NAALADL2: variants seen among roughly 807,000 people sequenced by gnomAD.
NAALADL2 encodes N-acetylated alpha-linked acidic dipeptidase like 2, also known as inactive N-acetylated-alpha-linked acidic dipeptidase-like protein 2.
In NAALADL2, 76 loss-of-function variants were observed where a neutral mutation model predicts 87.2. The observed-to-expected ratio is 0.87, with a 90% CI of 0.72 to 1.05. The LOEUF is 1.05. NAALADL2 is among the 50% of genes least tolerant of loss of function. The pLI, the probability that NAALADL2 is intolerant of heterozygous loss-of-function variation, is 0.00. For missense variants in NAALADL2, 1,089 were observed against 945.8 expected (o/e 1.15, Z -1.99); for synonymous variants, 354 against 331.0 (o/e 1.07, Z -0.75).
chr3:174,856,769 C>A (rs1421448069), upstream of NAALADL2, among the ~76,000 whole-genome samples: 6 of 151,848 alleles, frequency 4.0e-5, no homozygotes, highest in Admixed American at 3.9e-4. Flanking sequence ...TAAGAACATA[C>A]CTTCTATTTG....
intron 3 of NAALADL2, among the ~76,000 whole-genome samples, chr3:174,836,708 C>CAAAAAA (rs36091749): frequency 2.0e-4 from 13 of 65,370 alleles, no homozygotes; most frequent in African/African-American, 2.9e-4. Flanking sequence ...GACTCCGTCT[C>CAAAAAA]AAAAAAAAAA....
intron 6 of NAALADL2, among the ~76,000 whole-genome samples, chr3:175,451,343 A>T (rs75198006): frequency 0.026 from 4,017 of 152,246 alleles, 77 homozygotes; most frequent in East Asian, 0.085. Flanking sequence ...AAAAAAGTAT[A>T]AGGAATGGAA....
intron 3 of NAALADL2, among the ~76,000 whole-genome samples, chr3:174,804,744 A>G (rs1416350195): frequency 6.6e-6 from 1 of 152,194 alleles, no homozygotes; most frequent in Admixed American, 6.6e-5. Context: ...AATAAATCTA[A>G]AATCTATACA....
chr3:175,665,843 A>T (rs1732891104), intron 11 of NAALADL2, among the ~76,000 whole-genome samples: 1 of 152,082 alleles, frequency 6.6e-6, no homozygotes, highest in Admixed American at 6.5e-5. Context: ...AGGCAGGAGA[A>T]TCGCTTAAAC....
At chr3:175,064,247 G>GAA (rs368197778) in intron 1 of NAALADL2, among the ~76,000 whole-genome samples, 3 of 116,214 alleles carry the variant, frequency 2.6e-5, no homozygotes, top group African/African-American at 9.2e-5. Flanking sequence ...GGGAAAAGAA[G>GAA]AAAAAAAAAA....
chr3:174,996,776 C>A (rs970534179), intron 1 of NAALADL2, among the ~76,000 whole-genome samples: 1 of 151,952 alleles, frequency 6.6e-6, no homozygotes, highest in African/African-American at 2.4e-5. Flanking sequence ...TAGTCTTTAT[C>A]CCTCAACCCC....
At chr3:175,039,680 C>T (rs1046300077) in intron 1 of NAALADL2, among the ~76,000 whole-genome samples, 2 of 152,094 alleles carry the variant, frequency 1.3e-5, no homozygotes, top group African/African-American at 2.4e-5. Context: ...ACTTACTAGA[C>T]AAGTGAAACA....
At chr3:175,673,473 A>G (rs1734281463) in intron 11 of NAALADL2, among the ~76,000 whole-genome samples, 2 of 152,162 alleles carry the variant, frequency 1.3e-5, no homozygotes. Context: ...ACAACCATAG[A>G]GTCTTTGGAG....
At chr3:174,825,231 G>A (rs1303645859) in intron 3 of NAALADL2, among the ~76,000 whole-genome samples, 4 of 152,238 alleles carry the variant, frequency 2.6e-5, no homozygotes, top group Non-Finnish European at 4.4e-5. Flanking sequence ...AAGGCTGGCA[G>A]TATAATTCAG....
Position 175,132,735 on chromosome 3 carries a change from G to T in NAALADL2, c.545+35444G>T, listed in dbSNP as rs529962520. The stretch of plus-strand genomic sequence containing the variant: ...TCCTCACTTCCCAGTAGGGGTGGCC[G>T]GGCAGAGGCACCCCTCACCTCCCGG... On this transcript the variant is annotated intron_variant, in intron 2 of 13. Transcript: ENST00000454872. 3.8e-3 allele frequency among the ~76,000 whole-genome samples: 571 copies of T among 150,002 alleles called. 7 individuals carry two copies. Among genetic ancestry groups the T allele is most frequent in the Non-Finnish European group, 2.5e-3 (170 of 67,300 alleles).
chr3:175,475,988 G>A (rs115901038), intron 9 of NAALADL2, among the ~76,000 whole-genome samples: 434 of 152,270 alleles, frequency 2.9e-3, no homozygotes, highest in Middle Eastern at 0.014. Flanking sequence ...TTCTCAAAGC[G>A]CTGGGATTAC....
chr3:174,641,942 A>G (rs1578403019), intron 2 of NAALADL2, among the ~76,000 whole-genome samples: 3 of 152,052 alleles, frequency 2.0e-5, no homozygotes, highest in African/African-American at 7.2e-5. Context: ...TTTCTTTTTT[A>G]GAGACAAGGT....
At chr3:175,202,950 G>A (rs563271143) in intron 2 of NAALADL2, among the ~76,000 whole-genome samples, 1 of 152,008 alleles carries the variant, frequency 6.6e-6, no homozygotes, top group South Asian at 2.1e-4. Flanking sequence ...CCAAAGGACC[G>A]GTCTTGCACC....
chr3:175,473,462 G>A (rs1180728698), intron 9 of NAALADL2, among the ~76,000 whole-genome samples: 1 of 151,820 alleles, frequency 6.6e-6, no homozygotes, highest in Non-Finnish European at 1.5e-5. Context: ...AATTTAGAAG[G>A]TTAGGAATAT....
At chr3:174,648,124 C>G (rs1327648543) in intron 2 of NAALADL2, among the ~76,000 whole-genome samples, 1 of 152,022 alleles carries the variant, frequency 6.6e-6, no homozygotes, top group Non-Finnish European at 1.5e-5. Flanking sequence ...GAGGGAGAGA[C>G]CACATTCATA....
chr3:174,948,020 C>T (rs1739724215), intron 1 of NAALADL2, among the ~76,000 whole-genome samples: 1 of 151,856 alleles, frequency 6.6e-6, no homozygotes, highest in Non-Finnish European at 1.5e-5. Context: ...CATGTAACAC[C>T]TTTGACACGA....
intron 5 of NAALADL2, among the ~76,000 whole-genome samples, chr3:175,413,567 C>CAAAAA (rs766955477): frequency 0.018 from 2,333 of 132,414 alleles, 85 homozygotes; most frequent in Middle Eastern, 0.046. Flanking sequence ...GAGACTCCAT[C>CAAAAA]AAAAAAAAAA....
At chr3:175,521,440 C>T (rs1463188793) in intron 9 of NAALADL2, among the ~76,000 whole-genome samples, 2 of 151,860 alleles carry the variant, frequency 1.3e-5, no homozygotes, top group Admixed American at 1.3e-4. Flanking sequence ...CAATATTCTG[C>T]TTTCGATGCT....
chr3:175,512,627 A>G (rs1359447685), intron 9 of NAALADL2, among the ~76,000 whole-genome samples: 1 of 152,230 alleles, frequency 6.6e-6, no homozygotes, highest in African/African-American at 2.4e-5. Flanking sequence ...GATGGAAGAT[A>G]AAGCAAGAAT....
Sources: allele counts gnomAD v4.1 joint callset (sites outside exome capture counted in the v4.1 genomes callset), GRCh38; gene constraint gnomAD v4.1.1; transcripts MANE v1.5; gene names NCBI Gene and HGNC (gene_info 2026-07-23, HGNC 2026-07-21).